Variants in PTK2 observed in about 807,000 individuals in gnomAD.
PTK2 encodes the protein protein tyrosine kinase 2.
PTK2 carries 45 observed loss-of-function variants against 150.1 expected under a neutral mutation model. The ratio of observed to expected loss-of-function variants is 0.30; its 90% CI spans 0.24 to 0.38. PTK2 has a LOEUF of 0.38. Among genes scored for constraint, PTK2 ranks in the 10% least tolerant of loss-of-function variants. PTK2 has a pLI of 1.00. For synonymous variants in PTK2, 432 were observed against 449.2 expected (o/e 0.96, Z 0.48); for missense variants, 919 against 1,307.3 (o/e 0.70, Z 4.58).
intron 13 of PTK2, among the ~76,000 whole-genome samples, chr8:140,792,932 C>G (rs900960019): frequency 6.6e-6 from 1 of 152,042 alleles, no homozygotes; most frequent in Non-Finnish European, 1.5e-5. Context: ...TATTACTATT[C>G]GATTCTTTTA....
intron 22 of PTK2, 39 bp from the exon 26 acceptor site, chr8:140,717,748 C>A (rs2100040596): frequency 6.5e-7 from 1 of 1,542,348 alleles, no homozygotes; most frequent in Non-Finnish European, 9.0e-7. Context: ...AGCTGACAAC[C>A]CAGAGTTAGC....
intron 12 of PTK2, among the ~76,000 whole-genome samples, chr8:140,796,857 C>T (rs2100091913): frequency 6.6e-6 from 1 of 152,110 alleles, no homozygotes. Flanking sequence ...CTTATAAATA[C>T]ACAAGTTTGG....
In PTK2 at chr8:140,827,742, C is replaced by G. The variant is rs1373747765; in HGVS notation, c.648+2730G>C. Among the ~76,000 whole-genome samples the G allele has an allele frequency of 2.0e-5, 3 of 152,206 alleles. No individual in the cohort carries two copies. In the South Asian group the frequency reaches 6.2e-4, roughly 31 times the overall value. The stretch of plus-strand genomic sequence containing the variant: ...ATTAAGTAGGATTTACCAAATGTTA[C>G]TACGTGCCAGGTACAATGTCAAACA... On this transcript the variant is annotated intron_variant, in intron 8 of 31. Transcript: ENST00000522684.
chr8:140,838,407 TC>T (rs1318719118), intron 7 of PTK2, among the ~76,000 whole-genome samples: 1 of 152,076 alleles, frequency 6.6e-6, no homozygotes, highest in African/African-American at 2.4e-5. Flanking sequence ...TGCATGCGAG[TC>T]CCTGCACATC....
At chr8:140,892,029 G>A (rs1196430253) in intron 2 of PTK2, among the ~76,000 whole-genome samples, 1 of 151,922 alleles carries the variant, frequency 6.6e-6, no homozygotes, top group Non-Finnish European at 1.5e-5. Flanking sequence ...AACATGACAA[G>A]ACCTTGTCTC....
At chr8:140,735,503 G>C in intron 21 of PTK2, 48 bp from the exon 25 acceptor site, 1 of 1,575,678 alleles carries the variant, frequency 6.3e-7, no homozygotes. Flanking sequence ...TATGAAGAAT[G>C]TAACTCCCAG....
chr8:140,882,696 T>G (rs958350233), intron 3 of PTK2, among the ~76,000 whole-genome samples: 1 of 152,166 alleles, frequency 6.6e-6, no homozygotes, highest in Non-Finnish European at 1.5e-5. Context: ...TTACTACTGA[T>G]GAATAAAGAT....
intron 28 of PTK2, among the ~76,000 whole-genome samples, chr8:140,674,686 T>G (rs1237299935): frequency 2.4e-5 from 3 of 125,854 alleles, no homozygotes; most frequent in Middle Eastern, 0.012. Flanking sequence ...TTGCGGTGAG[T>G]TGAGATCGTG....
chr8:140,830,364 A>G (rs2154602883), intron 8 of PTK2, 108 bp downstream of exon 8: 3 of 677,514 alleles, frequency 4.4e-6, no homozygotes, highest in East Asian at 6.1e-5. Context: ...TATATTTTAC[A>G]TGTAAGGAAG....
rs112255049 is a variant in PTK2 at position 140,664,878 on chromosome 8, GC to G, written c.2946+38del. The G allele has an allele frequency of 5.3e-4, 844 of 1,587,642 alleles. 13 individuals are homozygous for G. The African/African-American group carries it at 9.3e-3, about 17-fold the overall frequency. ...ATCCCTGAATGTGTCCCTGCCCAGT[GC>G]TGTCACAGAGGGCTGCAAGGGGAAG... is the stretch of plus-strand genomic sequence containing the variant. On this transcript the variant is annotated intron_variant, in intron 31 of 31. Coordinates refer to ENST00000522684, the Ensembl canonical transcript of PTK2.
At chr8:140,888,419 T>C (rs11991796) in intron 3 of PTK2, among the ~76,000 whole-genome samples, 62,765 of 152,136 alleles carry the variant, frequency 0.41, 15,060 homozygotes, top group Non-Finnish European at 0.55. Flanking sequence ...GTGAATTCAA[T>C]GCCAACTGTG....
intron 3 of PTK2, among the ~76,000 whole-genome samples, chr8:140,883,104 T>TTTA (rs1461288742): frequency 2.0e-5 from 3 of 152,180 alleles, no homozygotes; most frequent in Non-Finnish European, 2.9e-5. Flanking sequence ...CCACTTACCT[T>TTTA]TTAGACAGTA....
intron 2 of PTK2, among the ~76,000 whole-genome samples, chr8:140,917,954 T>C (rs2100165956): frequency 1.3e-5 from 2 of 152,232 alleles, no homozygotes; most frequent in Non-Finnish European, 2.9e-5. Flanking sequence ...GTCAGTACCA[T>C]GCATTCTACT....
chr8:140,734,751 C>G (rs372554154), intron 22 of PTK2: 5 of 518,060 alleles, frequency 9.7e-6, no homozygotes, highest in East Asian at 1.1e-4. Context: ...GATTAGGAAG[C>G]CTTCCTGAAG....
chr8:140,783,516 C>A (rs1321265342), intron 14 of PTK2, among the ~76,000 whole-genome samples: 2 of 152,246 alleles, frequency 1.3e-5, no homozygotes, highest in East Asian at 3.9e-4. Flanking sequence ...GTGGCATAGT[C>A]ATGAATAGGT....
chr8:140,968,516 G>A (rs1184649637), intron 1 of PTK2, among the ~76,000 whole-genome samples: 1 of 152,198 alleles, frequency 6.6e-6, no homozygotes, highest in Non-Finnish European at 1.5e-5. Flanking sequence ...GAGAGTTTAA[G>A]GAGCTTGGTC....
chr8:140,864,467 T>C, intron 4 of PTK2, 68 bp from the exon 5 acceptor site: 1 of 894,128 alleles, frequency 1.1e-6, no homozygotes, highest in Non-Finnish European at 1.7e-6. Context: ...TCTACAATTA[T>C]AATATTGTGA....
Position 140,700,951 on chromosome 8 carries a change from G to A in PTK2, c.2439C>T (p.Ile813=), listed in dbSNP as rs752806730. 61 of 1,613,774 alleles carry A rather than the reference G, an allele frequency of 3.8e-5. No individual in the cohort carries two copies. In the Admixed American group the frequency reaches 9.7e-4, roughly 26 times the overall value. ...CTTCTTCCATTTCCTGTTGCTGTCG[G>A]ATTAGACGCTCTTCCATCAGATGGG... The change falls in exon 26 of 32, where the codon ATC becomes ATT. Residue 813 remains isoleucine, a synonymous_variant. Coordinates refer to ENST00000522684, the Ensembl canonical transcript of PTK2.
At chr8:140,906,780 A>G (rs1477261991) in intron 2 of PTK2, among the ~76,000 whole-genome samples, 1 of 152,234 alleles carries the variant, frequency 6.6e-6, no homozygotes, top group Non-Finnish European at 1.5e-5. Flanking sequence ...AATTTATTGC[A>G]TATTTTAAAA....
Sources: gnomAD v4.1 joint callset for allele counts (sites outside exome capture counted in the v4.1 genomes callset) on GRCh38, gnomAD v4.1.1 for gene constraint, MANE v1.5 for transcripts, NCBI Gene and HGNC (gene_info 2026-07-23, HGNC 2026-07-21) for gene names.